UNC13A: variants seen among roughly 807,000 people sequenced by gnomAD.
UNC13A encodes the protein unc-13 homolog A, also known as protein unc-13 homolog A.
UNC13A carries 61 observed loss-of-function variants against 219.7 expected under a neutral mutation model. That is an observed-to-expected ratio of 0.28 (90% CI 0.23 to 0.34). The LOEUF is 0.34. Among genes scored for constraint, UNC13A ranks in the 10% least tolerant of loss-of-function variants. The pLI is 1.00. For synonymous variants in UNC13A, 920 were observed against 884.6 expected, an observed-to-expected ratio of 1.04 and a Z score of -0.71; for missense variants, 1,476 against 2,270.3, an observed-to-expected ratio of 0.65 and a Z score of 7.11.
Position 17,649,641 on chromosome 19 carries a change from A to C in UNC13A, c.1440-54T>G, listed in dbSNP as rs1022559489. On this transcript the variant is annotated intron_variant, in intron 12 of 43. Transcript: ENST00000519716. This position sits in a 1 kb window ranked among gnomAD's most constrained non-coding sequence, Gnocchi z 4.4. ...CCAGATGTCCCTATTCCTCACATAG[A>C]GCCCTGGGGAGAACATTCAACCTCC... is the stretch of plus-strand genomic sequence containing the variant. 4 of 1,598,524 alleles carry C rather than the reference A, an allele frequency of 2.5e-6. No individual in the cohort carries two copies. The Admixed American group carries it at 6.7e-5, about 27-fold the overall frequency.
At chr19:17,680,236 T>C (rs953291396) in intron 1 of UNC13A, among the ~76,000 whole-genome samples, 7 of 152,012 alleles carry the variant, frequency 4.6e-5, no homozygotes, top group African/African-American at 1.4e-4. Flanking sequence ...TCTTCCCCGG[T>C]CAGTAAATGG....
rs1165623983 is a variant in UNC13A, at chr19:17,604,874, ATTCTCT to A, written c.*1174_*1179del. On this transcript the variant is annotated 3_prime_UTR_variant, in exon 44 of 44. Transcript: ENST00000519716. ...CTGTGTTTGTGTTTCTCTCTCTCTC[ATTCTCT>A]TTCTCTCATTCTCTTTCTCCCCCCT... 1 of 151,130 alleles carries A rather than the reference ATTCTCT, an allele frequency of 6.6e-6. No homozygotes were observed. Among genetic ancestry groups the A allele is most frequent in the East Asian group, 1.9e-4 (1 of 5,176 alleles). 9.4% of individuals were successfully genotyped at this position (151,130 alleles called of 1,614,324 possible). A position where few individuals can be genotyped will look rare whatever the true frequency, so the allele number is the denominator to read the frequency against.
At chr19:17,636,291 T>G in intron 25 of UNC13A, 134 bp from the exon 26 acceptor site, 2 of 1,118,438 alleles carry the variant, frequency 1.8e-6, no homozygotes, top group African/African-American at 1.6e-5. Context: ...AAGAAATCTA[T>G]ATAGAGAGGA....
Position 17,655,258 on chromosome 19 carries a change from T to G in UNC13A, c.1392+16A>C. The G allele has an allele frequency of 6.4e-7, 1 of 1,552,622 alleles. No homozygotes were observed. ...TGGCTAAGTGTGGCAGGGGCATGGC[T>G]GGGCGTGTCACTCACCTCCTGCAGC... On this transcript the variant is annotated intron_variant, in intron 11 of 43. Transcript: ENST00000519716.
intron 26 of UNC13A, among the ~76,000 whole-genome samples, chr19:17,634,394 A>C (rs1237517381): frequency 6.6e-6 from 1 of 152,100 alleles, no homozygotes. Flanking sequence ...GCTGGAGTGC[A>C]GTGGTGCGAT....
chr19:17,624,689 T>C (rs1375250757), intron 35 of UNC13A, 140 bp downstream of exon 35: 7 of 1,290,564 alleles, frequency 5.4e-6, no homozygotes, highest in Non-Finnish European at 7.2e-6. Context: ...TCCATGACCC[T>C]TGAATGGCCC....
chr19:17,635,797 A>G (rs77697096), intron 26 of UNC13A, among the ~76,000 whole-genome samples: 8,797 of 152,282 alleles, frequency 0.058, 992 homozygotes, highest in East Asian at 0.51. Context: ...ATACATACAA[A>G]ATACATGTCT....
intron 1 of UNC13A, among the ~76,000 whole-genome samples, chr19:17,683,145 G>A (rs1394269765): frequency 6.6e-6 from 1 of 152,134 alleles, no homozygotes; most frequent in African/African-American, 2.4e-5. Context: ...TGTCTCCGAG[G>A]TCCTGGGGTC....
intron 7 of UNC13A, among the ~76,000 whole-genome samples, chr19:17,664,133 A>C (rs1297208279): frequency 1.3e-5 from 2 of 152,242 alleles, no homozygotes; most frequent in South Asian, 4.2e-4. Context: ...AGGCTCAGTC[A>C]GGAAGTAACA....
At chr19:17,656,499 G>A (rs8106594) in intron 9 of UNC13A, 101 bp from the exon 10 acceptor site, 2 of 1,190,582 alleles carry the variant, frequency 1.7e-6, no homozygotes, top group South Asian at 3.2e-5. Context: ...GAGCACCTAC[G>A]ATGTGCCAGG....
intron 1 of UNC13A, among the ~76,000 whole-genome samples, chr19:17,677,893 G>A (rs1047989440): frequency 2.6e-5 from 4 of 152,102 alleles, no homozygotes; most frequent in East Asian, 1.9e-4. Context: ...CCATACCCAC[G>A]TTCGTTTTGC....
chr19:17,642,021 C>A (rs1054876596), intron 20 of UNC13A, among the ~76,000 whole-genome samples: 4 of 148,450 alleles, frequency 2.7e-5, no homozygotes, highest in African/African-American at 5.1e-5. Flanking sequence ...TCCATTTGTC[C>A]ATCTGCCTAT....
chr19:17,613,886 T>C (rs941957144), intron 41 of UNC13A: 1 of 149,420 alleles, frequency 6.7e-6, no homozygotes, highest in Non-Finnish European at 1.5e-5. Context: ...CAGCTAATTT[T>C]TGTAGTTTTG....
Position 17,629,776 on chromosome 19 carries a change from C to T in UNC13A, c.3669+369G>A, listed in dbSNP as rs2076821820. On this transcript the variant is annotated intron_variant, in intron 30 of 43. Coordinates refer to ENST00000519716, the MANE Select transcript of UNC13A (RefSeq NM_001080421.3). ...ATTCCAAATCAAGACCCAGCACAGC[C>T]TCAAACTCCAACCAAACAGCATTGC... Among the ~76,000 whole-genome samples the T allele has an allele frequency of 1.3e-5, 2 of 152,066 alleles. 1 individual carries two copies. The highest frequency in any genetic ancestry group is 4.1e-4 in the South Asian group (2 of 4,824).
At chr19:17,661,805 G>A (rs1277136665) in intron 8 of UNC13A, among the ~76,000 whole-genome samples, 1 of 152,156 alleles carries the variant, frequency 6.6e-6, no homozygotes, top group African/African-American at 2.4e-5. Flanking sequence ...TCTGGTCTGT[G>A]GCCTGTTAGG....
At chr19:17,670,942 A>T (rs2079775232) in intron 4 of UNC13A, among the ~76,000 whole-genome samples, 1 of 151,040 alleles carries the variant, frequency 6.6e-6, no homozygotes, top group African/African-American at 2.4e-5. Flanking sequence ...ATAAAATAAA[A>T]TAAAATAAAA....
chr19:17,666,877 CACACGAGA>C (rs911703323), intron 6 of UNC13A, among the ~76,000 whole-genome samples, 173 bp from the exon 7 acceptor site: 6 of 92,294 alleles, frequency 6.5e-5, no homozygotes, highest in Admixed American at 2.0e-4. Context: ...GACACACACA[CACACGAGA>C]GAGAGAGAGA....
Position 17,658,134 on chromosome 19 carries a change from G to A in UNC13A, c.695C>T (p.Pro232Leu). Residue 232 changes from proline (P) to leucine (L), a missense_variant, in exon 9 of 44, where the codon CCC (proline) becomes CTC (leucine). Physicochemically the swap from Pro to Leu is moderately conservative, Grantham distance 98. This residue lies in a region of UNC13A where 351 missense variants were observed against 342.6 expected (regional missense o/e 1.02). Transcript: ENST00000519716. ...ACTGTAGGACTCCCGGGAGCCCAGG[G>A]GTGGTGGGCGAACAGAATATTGGTG... ...SVHQYSVRPP[P>L]LGSRESYSDS... The A allele has an allele frequency of 1.9e-6, 3 of 1,613,946 alleles. No individual in the cohort carries two copies. The highest frequency in any genetic ancestry group is 2.5e-6 in the Non-Finnish European group (3 of 1,179,890).
intron 43 of UNC13A, among the ~76,000 whole-genome samples, chr19:17,607,469 G>C (rs1372958658): frequency 7.3e-6 from 1 of 137,512 alleles, no homozygotes; most frequent in Non-Finnish European, 1.6e-5. Context: ...GCGGGGGGGG[G>C]GGTCTCACCA....
Sources: gnomAD v4.1 joint callset for allele counts (sites outside exome capture counted in the v4.1 genomes callset) on GRCh38, gnomAD v4.1.1 for gene constraint, gnomAD v4.1.1 regional missense constraint, Gnocchi (gnomAD v3.1) non-coding constraint, MANE v1.5 for transcripts, NCBI Gene and HGNC (gene_info 2026-07-23, HGNC 2026-07-21) for gene names.